Variants in OXR1 observed in about 807,000 individuals in gnomAD.
The protein encoded by OXR1 is oxidation resistance 1.
OXR1 carries 41 observed loss-of-function variants against 104.6 expected under a neutral mutation model. That is an observed-to-expected ratio of 0.39 (90% CI 0.31 to 0.51). The LOEUF is 0.51. Among genes scored for constraint, OXR1 ranks in the 20% least tolerant of loss-of-function variants. OXR1 has a pLI of 0.77. For synonymous variants in OXR1, 348 were observed against 348.4 expected (o/e 1.00, Z 0.01); for missense variants, 955 against 1,031.9 (o/e 0.93, Z 1.02).
intron 2 of OXR1, among the ~76,000 whole-genome samples, chr8:106,435,463 A>G (rs1819533545): frequency 2.6e-5 from 4 of 152,130 alleles, no homozygotes; most frequent in Admixed American, 2.6e-4. Context: ...GATGCTATGA[A>G]AGGCACGTGC....
intron 2 of OXR1, among the ~76,000 whole-genome samples, chr8:106,397,804 T>G (rs1817842224): frequency 6.6e-6 from 1 of 152,120 alleles, no homozygotes. Flanking sequence ...TTGCATTAGT[T>G]TTTTGCAGCT....
chr8:106,714,114 C>G (rs550679338), intron 11 of OXR1, 129 bp downstream of exon 11: 3 of 629,236 alleles, frequency 4.8e-6, no homozygotes, highest in Non-Finnish European at 2.7e-6. Flanking sequence ...GTTCACTATC[C>G]GTGTTTATTT....
chr8:106,720,059 G>T (rs1832693786), intron 11 of OXR1, among the ~76,000 whole-genome samples: 1 of 152,142 alleles, frequency 6.6e-6, no homozygotes, highest in Non-Finnish European at 1.5e-5. Context: ...GCCTGCCTTG[G>T]CCTCCCAAAG....
chr8:106,414,617 C>T lies in OXR1; in HGVS notation c.23+54981C>T, dbSNP rs533886435. ...CTTGGTAAAGCATTGCTCATGTAGA[C>T]GGATGGGTGGGAATGGGATGTTAAC... On this transcript the variant is annotated intron_variant, in intron 2 of 16. Coordinates refer to ENST00000517566, the MANE Select transcript of OXR1 (RefSeq NM_001198533.2). 3.3e-5 allele frequency among the ~76,000 whole-genome samples: 5 copies of T among 151,992 alleles called. No homozygotes were observed. The East Asian group carries it at 5.8e-4, about 18-fold the overall frequency.
intron 2 of OXR1, among the ~76,000 whole-genome samples, chr8:106,476,224 G>A (rs886792905): frequency 6.6e-6 from 1 of 151,848 alleles, no homozygotes; most frequent in African/African-American, 2.4e-5. Context: ...AGCAAGTAGA[G>A]CATCTTCAGT....
chr8:106,490,093 A>G (rs1279172330), intron 2 of OXR1, among the ~76,000 whole-genome samples: 1 of 152,132 alleles, frequency 6.6e-6, no homozygotes, highest in African/African-American at 2.4e-5. Flanking sequence ...TGTGTTTCAG[A>G]CCACAGATTT....
At chr8:106,484,792 A>G (rs754037590) in intron 2 of OXR1, among the ~76,000 whole-genome samples, 26 of 152,040 alleles carry the variant, frequency 1.7e-4, no homozygotes, top group Non-Finnish European at 2.9e-5. Context: ...AAAACAAAAA[A>G]AAACTAAACA....
At position 106,692,712 on chromosome 8, in the gene OXR1, T is replaced by TAAA; in HGVS notation, c.526-4_526-2dup. ...TTTCTGCTTTTTTTTTTCTTTCCTT[T>TAAA]AAAAAAAAAAAAAAGAATCCTGATG... On this transcript the variant is annotated splice_polypyrimidine_tract_variant and intron_variant, in intron 6 of 16. Transcript: ENST00000517566. The TAAA allele has an allele frequency of 1.5e-5, 18 of 1,167,880 alleles. No homozygotes were observed. The highest frequency in any genetic ancestry group is 2.2e-5 in the South Asian group (1 of 44,580). The allele number at this position is 1,167,880 out of a possible 1,614,324, so 72.3% of individuals were successfully genotyped here.
chr8:106,592,312 A>G (rs1332171971), intron 3 of OXR1, among the ~76,000 whole-genome samples: 1 of 152,204 alleles, frequency 6.6e-6, no homozygotes, highest in Non-Finnish European at 1.5e-5. Context: ...AGAGAATAAT[A>G]GATGTATTAA....
At chr8:106,578,695 G>T (rs535168281) in intron 3 of OXR1, among the ~76,000 whole-genome samples, 1 of 152,188 alleles carries the variant, frequency 6.6e-6, no homozygotes, top group Admixed American at 6.5e-5. Flanking sequence ...ATTTAATGTG[G>T]TTGTAAAATA....
At chr8:106,301,873 T>C (rs1295905780) in intron 1 of OXR1, among the ~76,000 whole-genome samples, 3 of 152,222 alleles carry the variant, frequency 2.0e-5, no homozygotes. Flanking sequence ...AGGTTGTTTA[T>C]ATTTCAAATA....
At position 106,460,606 on chromosome 8, in the gene OXR1, G is replaced by A. The variant is rs565947074; in HGVS notation, c.24-58337G>A. ...CCTGGGCAAAACCAGGTTCACTGCTGGTGAAACAATTTGTAGAATATTGTC... is the reference window on the plus strand; with the variant it reads ...CCTGGGCAAAACCAGGTTCACTGCTAGTGAAACAATTTGTAGAATATTGTC... On this transcript the variant is annotated intron_variant, in intron 2 of 16. Coordinates refer to ENST00000517566, the MANE Select transcript of OXR1 (RefSeq NM_001198533.2). 3.3e-5 allele frequency among the ~76,000 whole-genome samples: 5 copies of A among 152,260 alleles called. No individual in the cohort carries two copies. The East Asian group carries it at 9.7e-4, about 29-fold the overall frequency.
At chr8:106,712,488 T>G (rs976687850) in intron 10 of OXR1, among the ~76,000 whole-genome samples, 1 of 152,072 alleles carries the variant, frequency 6.6e-6, no homozygotes, top group Non-Finnish European at 1.5e-5. Flanking sequence ...ATCTGTAAAA[T>G]ATCTTGACCA....
intron 11 of OXR1, among the ~76,000 whole-genome samples, chr8:106,734,168 G>A (rs556306785): frequency 2.0e-5 from 3 of 151,832 alleles, no homozygotes; most frequent in Admixed American, 6.6e-5. Flanking sequence ...ATGTTGCCCC[G>A]GCTGTTCTCA....
chr8:106,714,335 A>T (rs982211302), intron 11 of OXR1, among the ~76,000 whole-genome samples: 1 of 151,976 alleles, frequency 6.6e-6, no homozygotes, highest in African/African-American at 2.4e-5. Context: ...TCGATTTCAC[A>T]TCTGATTTGT....
chr8:106,619,394 T>C (rs1821508341), intron 3 of OXR1, among the ~76,000 whole-genome samples: 1 of 152,206 alleles, frequency 6.6e-6, no homozygotes, highest in Admixed American at 6.5e-5. Flanking sequence ...TAATTAGAAA[T>C]AATCTAATTT....
chr8:106,483,321 T>A (rs1342372522), intron 2 of OXR1, among the ~76,000 whole-genome samples: 1 of 151,908 alleles, frequency 6.6e-6, no homozygotes, highest in Non-Finnish European at 1.5e-5. Flanking sequence ...ACAGGGTGGA[T>A]ATGACCATTT....
chr8:106,642,775 A>G (rs909749404), intron 3 of OXR1, among the ~76,000 whole-genome samples: 2 of 152,238 alleles, frequency 1.3e-5, no homozygotes, highest in Non-Finnish European at 2.9e-5. Context: ...CCGAATTTTT[A>G]AAATGCTATT....
intron 1 of OXR1, among the ~76,000 whole-genome samples, chr8:106,294,732 C>A (rs1812918623): frequency 6.6e-6 from 1 of 152,156 alleles, no homozygotes. Context: ...TCCCACCAGG[C>A]CCCACCTCCA....
Sources: allele counts gnomAD v4.1 joint callset (sites outside exome capture counted in the v4.1 genomes callset), GRCh38; gene constraint gnomAD v4.1.1; transcripts MANE v1.5; gene names NCBI Gene and HGNC (gene_info 2026-07-23, HGNC 2026-07-21).